The following CD9 variants were observed in gnomAD, a reference collection of about 807,000 sequenced individuals.
The protein encoded by CD9 is CD9 antigen.
CD9 carries 10 observed loss-of-function variants against 31.4 expected under a neutral mutation model. The ratio of observed to expected loss-of-function variants is 0.32; its 90% CI spans 0.20 to 0.54. CD9 has a LOEUF of 0.54. CD9 is among the 20% of genes least tolerant of loss of function. CD9 has a pLI of 0.94. For synonymous variants in CD9, 113 were observed against 114.1 expected (o/e 0.99, Z 0.06); for missense variants, 259 against 300.1 (o/e 0.86, Z 1.01).
At position 6,233,505 on chromosome 12, in the gene CD9, A is replaced by T. The variant is rs1946478035; in HGVS notation, c.348+19A>T. The T allele has an allele frequency of 1.9e-6, 3 of 1,596,430 alleles. No homozygotes were observed. The highest frequency in any genetic ancestry group is 2.6e-6 in the Non-Finnish European group (3 of 1,164,318). On this transcript the variant is annotated intron_variant, in intron 4 of 7. Transcript: ENST00000009180. ...GGATGAGGTAGGTTTTTCCCATGAG[A>T]TCTCTTGGGTTTGGGAGTTGGGGGA...
intron 1 of CD9, among the ~76,000 whole-genome samples, chr12:6,212,510 C>T (rs1254259397): frequency 6.6e-6 from 1 of 152,184 alleles, no homozygotes; most frequent in African/African-American, 2.4e-5. Flanking sequence ...GGTGGTGGCA[C>T]CCCCAGGCTG....
chr12:6,216,610 C>T (rs1946245170), intron 1 of CD9, among the ~76,000 whole-genome samples: 1 of 152,166 alleles, frequency 6.6e-6, no homozygotes. Context: ...CAACAGTCTC[C>T]CTTTAGCCTT....
At chr12:6,236,331 C>A in intron 7 of CD9, 56 bp downstream of exon 7, 1 of 1,485,454 alleles carries the variant, frequency 6.7e-7, no homozygotes, top group South Asian at 1.1e-5. Flanking sequence ...ATTGATTCAG[C>A]CCATGCTCTA....
intron 1 of CD9, among the ~76,000 whole-genome samples, chr12:6,205,144 C>T (rs560376445): frequency 6.6e-6 from 1 of 152,336 alleles, no homozygotes; most frequent in East Asian, 1.9e-4. Flanking sequence ...ACCTCCAGTG[C>T]CCAGACAGCC....
At chr12:6,225,353 C>T (rs748188686) in intron 1 of CD9, 73 bp from the exon 2 acceptor site, 39 of 978,278 alleles carry the variant, frequency 4.0e-5, no homozygotes, top group Non-Finnish European at 5.4e-5. Flanking sequence ...TTGCAAGTCT[C>T]ACCCTTAAGC....
chr12:6,233,164 G>T (rs1361993650), intron 3 of CD9: 3 of 667,112 alleles, frequency 4.5e-6, no homozygotes, highest in African/African-American at 3.6e-5. Context: ...GTAAATGCTA[G>T]TTCTGGGCTC....
chr12:6,228,664 G>A (rs945737181), intron 2 of CD9, among the ~76,000 whole-genome samples: 2 of 151,834 alleles, frequency 1.3e-5, no homozygotes, highest in Admixed American at 6.6e-5. Context: ...AATAATTGTC[G>A]TCCATGGGCA....
At chr12:6,210,529 G>A (rs1246039089) in intron 1 of CD9, among the ~76,000 whole-genome samples, 1 of 152,212 alleles carries the variant, frequency 6.6e-6, no homozygotes, top group Non-Finnish European at 1.5e-5. Context: ...GGCATCTCCA[G>A]CCCAGGTGGC....
chr12:6,213,111 G>A (rs527422816), intron 1 of CD9, among the ~76,000 whole-genome samples: 12 of 152,312 alleles, frequency 7.9e-5, no homozygotes, highest in African/African-American at 2.9e-4. Flanking sequence ...GATATTTAAT[G>A]TAAAGCTATT....
intron 2 of CD9, among the ~76,000 whole-genome samples, chr12:6,230,444 G>A (rs1356625953): frequency 1.3e-5 from 2 of 152,254 alleles, no homozygotes; most frequent in Non-Finnish European, 2.9e-5. Context: ...GGACCGCCAG[G>A]TTCAAGAACT....
In CD9 at chr12:6,232,658, G is replaced by A. The variant is rs974267451; in HGVS notation, c.202G>A (p.Ala68Thr). The A allele has an allele frequency of 2.0e-5, 32 of 1,579,762 alleles. No homozygotes were observed. Among genetic ancestry groups the A allele is most frequent in the Admixed American group, 5.3e-5 (3 of 56,126 alleles). ...AGTCTATATTCTGATCGGAGCCGGC[G>A]CCCTCATGATGCTGGTGGGCTTCCT... ...TGVYILIGAG[A>T]LMMLVGFLGC... The change falls in exon 3 of 8, where the codon GCC (alanine) becomes ACC (threonine). Residue 68 changes from alanine to threonine, a missense_variant. Coordinates refer to ENST00000009180, the MANE Select transcript of CD9 (RefSeq NM_001769.4). This position sits in a 1 kb window ranked among gnomAD's most constrained non-coding sequence, Gnocchi z 4.8.
At chr12:6,202,344 C>A (rs1326275182) in intron 1 of CD9, among the ~76,000 whole-genome samples, 1 of 152,212 alleles carries the variant, frequency 6.6e-6, no homozygotes, top group Non-Finnish European at 1.5e-5. Context: ...CCAGCTGCCA[C>A]GCTTAGCTTC....
intron 1 of CD9, among the ~76,000 whole-genome samples, chr12:6,202,870 CAG>C (rs1209689754): frequency 5.3e-5 from 8 of 152,356 alleles, no homozygotes; most frequent in East Asian, 1.9e-4. Flanking sequence ...ATCGCAGAGA[CAG>C]AGCCAGTATT....
chr12:6,215,805 C>T (rs11568218), intron 1 of CD9, among the ~76,000 whole-genome samples: 3,883 of 152,298 alleles, frequency 0.025, 167 homozygotes, highest in African/African-American at 0.087. Flanking sequence ...CTAGAAATTC[C>T]GCCATGAGCT....
chr12:6,219,245 A>G (rs1946270105), intron 1 of CD9, among the ~76,000 whole-genome samples: 1 of 151,924 alleles, frequency 6.6e-6, no homozygotes, highest in South Asian at 2.1e-4. Context: ...ACCTCAAGTG[A>G]TCCGCCTGCC....
intron 1 of CD9, among the ~76,000 whole-genome samples, chr12:6,222,415 C>G (rs11568232): frequency 0.012 from 1,835 of 152,302 alleles, 28 homozygotes; most frequent in African/African-American, 0.041. Flanking sequence ...CCTGTGAGAC[C>G]GAGACCTATG....
chr12:6,201,342 C>A (rs1946074851), intron 1 of CD9, among the ~76,000 whole-genome samples: 3 of 152,238 alleles, frequency 2.0e-5, no homozygotes, highest in Admixed American at 2.0e-4. Context: ...TACCTATCTG[C>A]GCCTCTAGTG....
chr12:6,216,665 G>T (rs941917288), intron 1 of CD9, among the ~76,000 whole-genome samples: 3 of 152,160 alleles, frequency 2.0e-5, no homozygotes, highest in Non-Finnish European at 2.9e-5. Context: ...TCTTAGTGGA[G>T]CTCTGGATGG....
upstream of CD9, chr12:6,200,126 G>A (rs1946055384): frequency 1.3e-5 from 2 of 152,422 alleles, no homozygotes; most frequent in South Asian, 2.1e-4. Context: ...ACCCCAAGAC[G>A]GCTTGAAGAA....
Sources: allele counts gnomAD v4.1 joint callset (sites outside exome capture counted in the v4.1 genomes callset), GRCh38; gene constraint gnomAD v4.1.1; non-coding constraint Gnocchi (gnomAD v3.1); transcripts MANE v1.5; gene names NCBI Gene and HGNC (gene_info 2026-07-23, HGNC 2026-07-21).